CASD1: variants seen among roughly 807,000 people sequenced by gnomAD.
CASD1 encodes the protein N-acetylneuraminate (7)9-O-acetyltransferase.
CASD1 carries 41 observed loss-of-function variants against 100.0 expected under a neutral mutation model. The ratio of observed to expected loss-of-function variants is 0.41; its 90% CI spans 0.32 to 0.53. The LOEUF is 0.53. Among genes scored for constraint, CASD1 ranks in the 20% least tolerant of loss-of-function variants. The probability of loss-of-function intolerance (pLI) is 0.25; values close to 1 mark genes in which losing one functional copy is unlikely to be tolerated. For synonymous variants in CASD1, 321 were observed against 315.6 expected, an observed-to-expected ratio of 1.02 and a Z score of -0.18; for missense variants, 774 against 948.7, an observed-to-expected ratio of 0.82 and a Z score of 2.42.
At chr7:94,599,635 T>G in the CASD1 span, 1 of 1,304,964 alleles carries the variant, frequency 7.7e-7, no homozygotes, top group African/African-American at 1.5e-5. Context: ...GTATGGAGCA[T>G]GATGGGCAAC....
the CASD1 span, among the ~76,000 whole-genome samples, chr7:94,575,347 T>C: frequency 1.3e-5 from 2 of 152,220 alleles, no homozygotes; most frequent in South Asian, 2.1e-4. Flanking sequence ...TTCCATGTAA[T>C]TGCATGGTTT....
chr7:94,582,388 G>C, the CASD1 span, among the ~76,000 whole-genome samples: 2 of 152,274 alleles, frequency 1.3e-5, no homozygotes, highest in South Asian at 2.1e-4. Context: ...CTCCCAAAGT[G>C]CTGCAATTAC....
At chr7:94,550,953 T>A (rs1472690422) in intron 14 of CASD1, among the ~76,000 whole-genome samples, 1 of 152,170 alleles carries the variant, frequency 6.6e-6, no homozygotes, top group Non-Finnish European at 1.5e-5. Flanking sequence ...TGTTATTCTT[T>A]GTTTTATTTG....
At chr7:94,633,671 T>TA in the CASD1 span, among the ~76,000 whole-genome samples, 1 of 152,180 alleles carries the variant, frequency 6.6e-6, no homozygotes, top group Non-Finnish European at 1.5e-5. Context: ...TGTTTTCCTT[T>TA]ACTAATAGTC....
the CASD1 span, among the ~76,000 whole-genome samples, chr7:94,591,882 AT>A: frequency 6.6e-6 from 1 of 152,334 alleles, no homozygotes; most frequent in East Asian, 1.9e-4. Flanking sequence ...TCTTATATTG[AT>A]TTAGAGACTG....
At chr7:94,562,169 T>C in the CASD1 span, among the ~76,000 whole-genome samples, 9 of 152,204 alleles carry the variant, frequency 5.9e-5, no homozygotes, top group Non-Finnish European at 8.8e-5. Flanking sequence ...TGGCTTTTTA[T>C]GTTTGCCGAT....
the CASD1 span, chr7:94,619,282 G>A: frequency 4.9e-6 from 1 of 204,094 alleles, no homozygotes; most frequent in East Asian, 1.3e-4. Context: ...ATCTTTTGGG[G>A]AGCATGCTAA....
At chr7:94,557,637 G>C (rs529360024), downstream of CASD1, among the ~76,000 whole-genome samples, 1 of 152,000 alleles carries the variant, frequency 6.6e-6, no homozygotes, top group Non-Finnish European at 1.5e-5. Context: ...TAGGGATGCC[G>C]CAGTGAATAT....
intron 14 of CASD1, among the ~76,000 whole-genome samples, chr7:94,551,096 A>T (rs572935301): frequency 1.3e-5 from 2 of 152,158 alleles, no homozygotes; most frequent in Non-Finnish European, 2.9e-5. Flanking sequence ...ACTGCTCAGA[A>T]TCAACCAGTG....
the CASD1 span, among the ~76,000 whole-genome samples, chr7:94,571,178 G>A: frequency 1.3e-5 from 2 of 152,100 alleles, no homozygotes; most frequent in South Asian, 4.2e-4. Context: ...CAAGTAGCTG[G>A]TACCACAGGC....
At chr7:94,604,057 A>G in the CASD1 span, among the ~76,000 whole-genome samples, 2 of 152,112 alleles carry the variant, frequency 1.3e-5, no homozygotes, top group African/African-American at 2.4e-5. Flanking sequence ...GGGTAAAACT[A>G]TTGTTTGGTA....
At chr7:94,624,380 G>A in the CASD1 span, 2 of 394,690 alleles carry the variant, frequency 5.1e-6, no homozygotes, top group Non-Finnish European at 8.9e-6. Context: ...AAAATACTGA[G>A]TTAGAACAGT....
chr7:94,607,602 T>C, the CASD1 span, among the ~76,000 whole-genome samples: 1 of 151,992 alleles, frequency 6.6e-6, no homozygotes, highest in African/African-American at 2.4e-5. Context: ...CAATGGCAAT[T>C]TGTGAAAAAA....
chr7:94,541,948 A>G (rs1308231181), intron 10 of CASD1, among the ~76,000 whole-genome samples: 1 of 152,186 alleles, frequency 6.6e-6, no homozygotes, highest in African/African-American at 2.4e-5. Context: ...CCATTGTACT[A>G]GTACAACTTT....
At chr7:94,564,982 C>T in the CASD1 span, among the ~76,000 whole-genome samples, 1 of 152,032 alleles carries the variant, frequency 6.6e-6, no homozygotes, top group African/African-American at 2.4e-5. Flanking sequence ...AATTGCAGTG[C>T]TTTATTGGGC....
At chr7:94,581,720 G>T in the CASD1 span, among the ~76,000 whole-genome samples, 1 of 152,110 alleles carries the variant, frequency 6.6e-6, no homozygotes, top group South Asian at 2.1e-4. Context: ...CCTTTTTATG[G>T]CTGCATAGTA....
intron 5 of CASD1, among the ~76,000 whole-genome samples, chr7:94,532,544 C>T (rs192160730): frequency 6.6e-6 from 1 of 152,142 alleles, no homozygotes; most frequent in Admixed American, 6.5e-5. Context: ...CAGAATGGCA[C>T]ATAATTTAAA....
At chr7:94,599,589 T>C in the CASD1 span, 1 of 878,282 alleles carries the variant, frequency 1.1e-6, no homozygotes, top group South Asian at 1.4e-5. Context: ...AAATAAACTA[T>C]GAAAGATGAC....
chr7:94,583,300 T>C, the CASD1 span, among the ~76,000 whole-genome samples: 3 of 152,212 alleles, frequency 2.0e-5, no homozygotes, highest in Non-Finnish European at 2.9e-5. Context: ...ATTACTGCCA[T>C]TGGCACTTCT....
Sources: gnomAD v4.1 joint callset for allele counts (sites outside exome capture counted in the v4.1 genomes callset) on GRCh38, gnomAD v4.1.1 for gene constraint, MANE v1.5 for transcripts, NCBI Gene and HGNC (gene_info 2026-07-23, HGNC 2026-07-21) for gene names.